GALNT18: variants seen among roughly 807,000 people sequenced by gnomAD.
The protein encoded by GALNT18 is polypeptide N-acetylgalactosaminyltransferase 18.
In GALNT18, 44 loss-of-function variants were observed where a neutral mutation model predicts 69.5. The ratio of observed to expected loss-of-function variants is 0.63; its 90% CI spans 0.50 to 0.81. The LOEUF is 0.81. Among genes scored for constraint, GALNT18 ranks in the 40% least tolerant of loss-of-function variants. The pLI is 0.00. For synonymous variants in GALNT18, 364 were observed against 318.2 expected, an observed-to-expected ratio of 1.14 and a Z score of -1.53; for missense variants, 715 against 810.0, an observed-to-expected ratio of 0.88 and a Z score of 1.42.
intron 9 of GALNT18, among the ~76,000 whole-genome samples, chr11:11,296,700 C>T (rs1590018370): frequency 6.6e-6 from 1 of 152,164 alleles, no homozygotes; most frequent in African/African-American, 2.4e-5. Flanking sequence ...CTATCTGGTA[C>T]AGCTGTCATC....
At chr11:11,507,037 T>C (rs1488758936) in intron 1 of GALNT18, among the ~76,000 whole-genome samples, 2 of 152,222 alleles carry the variant, frequency 1.3e-5, no homozygotes, top group Non-Finnish European at 2.9e-5. Flanking sequence ...ACATTCCTTG[T>C]ACACTGGGAA....
At chr11:11,484,736 G>A (rs1282856344) in intron 1 of GALNT18, among the ~76,000 whole-genome samples, 1 of 152,088 alleles carries the variant, frequency 6.6e-6, no homozygotes, top group Non-Finnish European at 1.5e-5. Flanking sequence ...GAGTCCCAGG[G>A]ACTAGAAGGA....
chr11:11,391,840 T>C (rs764403108), intron 3 of GALNT18, among the ~76,000 whole-genome samples: 6 of 152,224 alleles, frequency 3.9e-5, no homozygotes, highest in Non-Finnish European at 7.3e-5. Context: ...GAAGCAGGCA[T>C]CTGGGCAACT....
rs1411363334 is a variant in GALNT18 at position 11,337,960 on chromosome 11, GA to G, written c.1278+2858del. Among the ~76,000 whole-genome samples the G allele has an allele frequency of 2.1e-4, 29 of 134,918 alleles. No homozygotes were observed. Among genetic ancestry groups the G allele is most frequent in the African/African-American group, 8.2e-4 (29 of 35,206 alleles). 88.5% of individuals were successfully genotyped at this position (134,918 alleles called of 152,430 possible). ...TTGTACATAGCAGGAGTCATTTAAA[GA>G]TTTTTTTTTTTTTTTTTTTTTTGAG... On this transcript the variant is annotated intron_variant, in intron 7 of 10. Coordinates refer to ENST00000227756, the MANE Select transcript of GALNT18 (RefSeq NM_198516.3). The surrounding 1 kb of genome is among the most constrained non-coding windows in gnomAD (Gnocchi z 4.9).
chr11:11,411,244 A>G (rs1353937836), intron 3 of GALNT18, among the ~76,000 whole-genome samples: 1 of 152,106 alleles, frequency 6.6e-6, no homozygotes, highest in Admixed American at 6.5e-5. Flanking sequence ...AGCCCAGGAG[A>G]TCTAGGTTGC....
intron 1 of GALNT18, among the ~76,000 whole-genome samples, chr11:11,492,822 G>C (rs1856800788): frequency 6.6e-6 from 1 of 152,088 alleles, no homozygotes; most frequent in Non-Finnish European, 1.5e-5. Flanking sequence ...TAGATGAGGG[G>C]TTGATAGCTC....
chr11:11,290,861 C>T (rs1384106912), intron 10 of GALNT18, among the ~76,000 whole-genome samples: 1 of 152,136 alleles, frequency 6.6e-6, no homozygotes, highest in African/African-American at 2.4e-5. Flanking sequence ...TGAAGACAGT[C>T]TGAGGCATGA....
In GALNT18 at chr11:11,621,386, C is replaced by G. The variant is rs1860187833; in HGVS notation, c.208G>C (p.Glu70Gln). The G allele has an allele frequency of 6.2e-7, 1 of 1,614,050 alleles. No homozygotes were observed. Among genetic ancestry groups the G allele is most frequent in the South Asian group, 1.1e-5 (1 of 91,060 alleles). ...TGAATGTGCTGCTTGATGACATTCT[C>G]CAGGTGGTCCAGCCGCTCAATAATC... ...LKIIERLDHL[E>Q]NVIKQHIQEA... Residue 70 changes from glutamate (E) to glutamine (Q), a missense_variant, in exon 1 of 11, where the codon GAG (glutamate) becomes CAG (glutamine). Coordinates refer to ENST00000227756, the MANE Select transcript of GALNT18 (RefSeq NM_198516.3). This position sits in a 1 kb window ranked among gnomAD's most constrained non-coding sequence, Gnocchi z 9.3.
intron 6 of GALNT18, among the ~76,000 whole-genome samples, chr11:11,349,928 C>T (rs1564904956): frequency 6.7e-6 from 1 of 148,234 alleles, no homozygotes; most frequent in Non-Finnish European, 1.5e-5. Flanking sequence ...TGTGGAATTG[C>T]TGCTTGGAAA....
In GALNT18 at chr11:11,620,503, A is replaced by G. The variant is rs1860164564; in HGVS notation, c.235+856T>C. ...GCGCACCCAACCAGCGTAACCTTAC[A>G]CTTCAGACCCAACCCAGGTCTGCTC... On this transcript the variant is annotated intron_variant, in intron 1 of 10. Transcript: ENST00000227756. The surrounding 1 kb of genome is among the most constrained non-coding windows in gnomAD (Gnocchi z 6.9). Among the ~76,000 whole-genome samples, 2 of 151,688 alleles carry G rather than the reference A, an allele frequency of 1.3e-5. No homozygotes were observed. Among genetic ancestry groups the G allele is most frequent in the African/African-American group, 4.8e-5 (2 of 41,252 alleles).
chr11:11,447,069 C>T (rs536726558), intron 2 of GALNT18, among the ~76,000 whole-genome samples: 1 of 152,316 alleles, frequency 6.6e-6, no homozygotes, highest in South Asian at 2.1e-4. Flanking sequence ...TGTTGCTCCT[C>T]TGGCCTCATC....
chr11:11,516,019 A>G (rs1004238131), intron 1 of GALNT18, among the ~76,000 whole-genome samples: 3 of 152,186 alleles, frequency 2.0e-5, no homozygotes, highest in African/African-American at 7.2e-5. Context: ...GCTGGGATAA[A>G]CAGCAGGGAA....
In GALNT18 at chr11:11,432,604, G is replaced by T; in HGVS notation, c.595+17C>A. ...CCAGGAAGTAGGGCCTGGGCCCTGG[G>T]AAGCTCCGACACTCACCGTTACTGC... is the stretch of plus-strand genomic sequence containing the variant. On this transcript the variant is annotated intron_variant, in intron 3 of 10. Transcript: ENST00000227756. This position sits in a 1 kb window ranked among gnomAD's most constrained non-coding sequence, Gnocchi z 5.8. The T allele has an allele frequency of 1.3e-6, 2 of 1,594,122 alleles. No individual in the cohort carries two copies. Among genetic ancestry groups the T allele is most frequent in the Non-Finnish European group, 1.7e-6 (2 of 1,168,850 alleles).
chr11:11,476,175 A>C (rs911826059), intron 1 of GALNT18: 7 of 152,202 alleles, frequency 4.6e-5, no homozygotes, highest in African/African-American at 1.7e-4. Flanking sequence ...GGAAATCAGA[A>C]ATCAATTAGT....
chr11:11,519,890 T>C (rs1857357394), intron 1 of GALNT18, among the ~76,000 whole-genome samples: 1 of 152,164 alleles, frequency 6.6e-6, no homozygotes, highest in African/African-American at 2.4e-5. Context: ...ATGACCACAG[T>C]GTAAGCAGCC....
chr11:11,531,178 G>C (rs1857638625), intron 1 of GALNT18, among the ~76,000 whole-genome samples: 1 of 152,232 alleles, frequency 6.6e-6, no homozygotes, highest in South Asian at 2.1e-4. Flanking sequence ...GCTGCCTTCA[G>C]CAACAACCAG....
chr11:11,427,254 C>T (rs912780156), intron 3 of GALNT18, among the ~76,000 whole-genome samples: 2 of 152,224 alleles, frequency 1.3e-5, no homozygotes, highest in Admixed American at 1.3e-4. Flanking sequence ...ACAGAGCCTT[C>T]AGTCCCTGGC....
At chr11:11,580,792 C>G (rs1859060221) in intron 1 of GALNT18, among the ~76,000 whole-genome samples, 1 of 152,256 alleles carries the variant, frequency 6.6e-6, no homozygotes, top group Non-Finnish European at 1.5e-5. Flanking sequence ...GGGATTAGGG[C>G]AGAGGATGGA....
rs995804012 is a variant in GALNT18, at chr11:11,470,291, G to A, written c.236-21355C>T. 1.3e-5 allele frequency among the ~76,000 whole-genome samples: 2 copies of A among 152,208 alleles called. No individual in the cohort carries two copies. Among genetic ancestry groups the A allele is most frequent in the African/African-American group, 4.8e-5 (2 of 41,450 alleles). On this transcript the variant is annotated intron_variant, in intron 1 of 10. Coordinates refer to ENST00000227756, the MANE Select transcript of GALNT18 (RefSeq NM_198516.3). This position sits in a 1 kb window ranked among gnomAD's most constrained non-coding sequence, Gnocchi z 4.8. ...TAAGGTTAAGACCCAGGCACCAAGGGACATCCACATTCTGTCTCTACATAG... is the reference window on the plus strand; with the variant it reads ...TAAGGTTAAGACCCAGGCACCAAGGAACATCCACATTCTGTCTCTACATAG...
Sources: gnomAD v4.1 joint callset for allele counts (sites outside exome capture counted in the v4.1 genomes callset) on GRCh38, gnomAD v4.1.1 for gene constraint, Gnocchi (gnomAD v3.1) non-coding constraint, MANE v1.5 for transcripts, NCBI Gene and HGNC (gene_info 2026-07-23, HGNC 2026-07-21) for gene names.